The following SPATA17 variants were observed in gnomAD, a reference collection of about 807,000 sequenced individuals.
The protein encoded by SPATA17 is spermatogenesis-associated protein 17.
In SPATA17, 53 loss-of-function variants were observed where a neutral mutation model predicts 62.2. The observed-to-expected ratio is 0.85, with a 90% CI of 0.68 to 1.07. The LOEUF is 1.07. Among genes scored for constraint, SPATA17 ranks in the 50% least tolerant of loss-of-function variants. The pLI is 0.00. For synonymous variants in SPATA17, 146 were observed against 146.8 expected (o/e 0.99, Z 0.04); for missense variants, 466 against 425.5 (o/e 1.10, Z -0.84).
chr1:217,786,033 G>A (rs936954519), intron 8 of SPATA17, among the ~76,000 whole-genome samples: 1 of 151,962 alleles, frequency 6.6e-6, no homozygotes, highest in African/African-American at 2.4e-5. Flanking sequence ...AATTATGAAG[G>A]AACCTTTATA....
intron 8 of SPATA17, among the ~76,000 whole-genome samples, chr1:217,799,345 G>T (rs1167823794): frequency 6.6e-6 from 1 of 152,078 alleles, no homozygotes; most frequent in Non-Finnish European, 1.5e-5. Flanking sequence ...AGACACAAAA[G>T]AAAAATGTAC....
chr1:217,810,261 G>T (rs1272401725), intron 9 of SPATA17, among the ~76,000 whole-genome samples: 1 of 152,052 alleles, frequency 6.6e-6, no homozygotes, highest in Admixed American at 6.6e-5. Context: ...TTATTTTAGA[G>T]GAATAATTAT....
chr1:217,786,183 C>G (rs1673856419), intron 8 of SPATA17, among the ~76,000 whole-genome samples: 1 of 152,124 alleles, frequency 6.6e-6, no homozygotes, highest in South Asian at 2.1e-4. Flanking sequence ...TCTCGTGAAA[C>G]TTATATAGCT....
intron 1 of SPATA17, among the ~76,000 whole-genome samples, chr1:217,646,400 T>C (rs1329701431): frequency 6.6e-6 from 1 of 152,216 alleles, no homozygotes; most frequent in African/African-American, 2.4e-5. Context: ...GATGTTTGTA[T>C]CATTTCAAAT....
intron 9 of SPATA17, among the ~76,000 whole-genome samples, chr1:217,848,769 C>A (rs755853410): frequency 1.4e-4 from 22 of 152,016 alleles, no homozygotes; most frequent in Non-Finnish European, 3.1e-4. Flanking sequence ...TTTCCTAATT[C>A]TTTTTTCTTT....
chr1:217,851,183 C>G (rs74142831), intron 9 of SPATA17, among the ~76,000 whole-genome samples: 9,052 of 152,022 alleles, frequency 0.06, 883 homozygotes, highest in African/African-American at 0.21. Context: ...TTATTCTTGT[C>G]TCAGTTTTCC....
chr1:217,745,611 T>C (rs2102951085), intron 6 of SPATA17, among the ~76,000 whole-genome samples: 1 of 152,220 alleles, frequency 6.6e-6, no homozygotes, highest in African/African-American at 2.4e-5. Flanking sequence ...ATTTAATAAA[T>C]ATAATAAACA....
chr1:217,838,365 T>G (rs1264965462), intron 9 of SPATA17, among the ~76,000 whole-genome samples: 1 of 152,114 alleles, frequency 6.6e-6, no homozygotes, highest in Admixed American at 6.6e-5. Flanking sequence ...TCTAGTGTTG[T>G]AGAGAACTTG....
chr1:217,761,041 A>C (rs113179846), intron 6 of SPATA17, among the ~76,000 whole-genome samples: 66 of 152,292 alleles, frequency 4.3e-4, no homozygotes, highest in African/African-American at 1.6e-3. Context: ...AGTGAAGTCT[A>C]GAAATCACTA....
rs544610229 is a variant in SPATA17, at chr1:217,645,988, T to C, written c.69-2894T>C. Among the ~76,000 whole-genome samples, 3 of 152,290 alleles carry C rather than the reference T, an allele frequency of 2.0e-5. No homozygotes were observed. The East Asian group carries it at 5.8e-4, about 29-fold the overall frequency. On this transcript the variant is annotated intron_variant, in intron 1 of 10. Coordinates refer to ENST00000366933, the MANE Select transcript of SPATA17 (RefSeq NM_138796.4). ...GGACCTTTTTTTTAAATAATTGTTG[T>C]TATTTAGTATCTTTTACTGTAAATC... is the stretch of plus-strand genomic sequence containing the variant.
At chr1:217,688,415 T>C (rs149983925) in intron 5 of SPATA17, among the ~76,000 whole-genome samples, 75 of 152,324 alleles carry the variant, frequency 4.9e-4, no homozygotes, top group Non-Finnish European at 8.7e-4. Context: ...AACAGTTCTC[T>C]TTTCTTTTGG....
intron 9 of SPATA17, among the ~76,000 whole-genome samples, chr1:217,850,219 G>A (rs888862760): frequency 6.6e-6 from 1 of 151,270 alleles, no homozygotes; most frequent in African/African-American, 2.4e-5. Context: ...TTGAAATAAT[G>A]TTTTTCCAAA....
At chr1:217,690,473 A>ATTTTTTTTTTTTTTTTTTTTT (rs60737502) in intron 5 of SPATA17, among the ~76,000 whole-genome samples, 1 of 79,532 alleles carries the variant, frequency 1.3e-5, no homozygotes, top group African/African-American at 5.1e-5. Context: ...TTTATTTTTT[A>ATTTTTTTTTTTTTTTTTTTTT]TTTTTTTTTT....
intron 5 of SPATA17, among the ~76,000 whole-genome samples, chr1:217,735,796 G>A (rs1212779766): frequency 6.6e-6 from 1 of 151,958 alleles, no homozygotes; most frequent in Non-Finnish European, 1.5e-5. Flanking sequence ...TAGTATTATA[G>A]TTTGAAATGA....
chr1:217,669,034 T>C lies in SPATA17; in HGVS notation c.242T>C (p.Val81Ala). 6.2e-7 allele frequency: 1 copy of C among 1,611,172 alleles called. No individual in the cohort carries two copies. The change falls in exon 4 of 11, where the codon GTA becomes GCA. Residue 81 changes from valine to alanine, a missense_variant and splice_region_variant. Transcript: ENST00000366933. Reference sequence around the variant, plus strand: ...CCATCTTTTTTTCTTGATTCACAGGTAGCATATTATACTATGATGATGAAT... The same window carrying C: ...CCATCTTTTTTTCTTGATTCACAGGCAGCATATTATACTATGATGATGAAT... ...GRKQYQLTVQ[V>A]AYYTMMMNLY... is the part of the protein sequence containing the mutation.
At chr1:217,744,688 G>T (rs1220956654) in intron 6 of SPATA17, among the ~76,000 whole-genome samples, 1 of 151,940 alleles carries the variant, frequency 6.6e-6, no homozygotes, top group African/African-American at 2.4e-5. Context: ...AAACTCCTTG[G>T]CATCCAATAA....
chr1:217,783,827 A>G (rs565349964), intron 8 of SPATA17, among the ~76,000 whole-genome samples: 2 of 152,214 alleles, frequency 1.3e-5, no homozygotes, highest in East Asian at 3.9e-4. Flanking sequence ...TGTTATCCCC[A>G]AAGAAAGTTG....
intron 2 of SPATA17, among the ~76,000 whole-genome samples, chr1:217,650,402 C>CTCTCTCTT (rs952541923): frequency 1.3e-5 from 2 of 151,998 alleles, no homozygotes; most frequent in African/African-American, 4.8e-5. Flanking sequence ...TTCTTTCTCT[C>CTCTCTCTT]TCTCTCTTTC....
chr1:217,782,136 C>T, intron 7 of SPATA17, 38 bp from the exon 8 acceptor site: 1 of 1,523,922 alleles, frequency 6.6e-7, no homozygotes, highest in Non-Finnish European at 8.8e-7. Flanking sequence ...TCAAAAAAAT[C>T]TTCCATATAA....
Sources: gnomAD v4.1 joint callset for allele counts (sites outside exome capture counted in the v4.1 genomes callset) on GRCh38, gnomAD v4.1.1 for gene constraint, MANE v1.5 for transcripts, NCBI Gene and HGNC (gene_info 2026-07-23, HGNC 2026-07-21) for gene names.